LILRA2: variants seen among roughly 807,000 people sequenced by gnomAD.
LILRA2 encodes the protein leukocyte immunoglobulin-like receptor subfamily A member 2.
Under a neutral mutation model 47.9 loss-of-function variants are expected in LILRA2, and 45 were observed. That is an observed-to-expected ratio of 0.94 (90% CI 0.74 to 1.20). The LOEUF is 1.20. LILRA2 is among the 50% of genes most tolerant of loss of function. The pLI is 0.00. For synonymous variants in LILRA2, 279 were observed against 249.2 expected (o/e 1.12, Z -1.13); for missense variants, 651 against 598.2 (o/e 1.09, Z -0.92).
At position 54,574,560 on chromosome 19, in the gene LILRA2, C is replaced by A. The variant is rs2062302574; in HGVS notation, c.330C>A (p.Asp110Glu). 10 of 1,613,838 alleles carry A rather than the reference C, an allele frequency of 6.2e-6. No homozygotes were observed. The highest frequency in any genetic ancestry group is 6.8e-6 in the Non-Finnish European group (8 of 1,179,846). ...ACAATCACTCATCAGAGTACAGTGA[C>A]CCCCTGGAGCTGGTGGTGACAGGTG... ...YSHNHSSEYS[D>E]PLELVVTGAY... Residue 110 changes from aspartate (D) to glutamate (E), a missense_variant, in exon 3 of 8, where the codon GAC becomes GAA. Physicochemically the swap from Asp to Glu is conservative, Grantham distance 45 (BLOSUM62 2). Transcript: ENST00000391738.
chr19:54,585,625 TG>T (rs1369535298), intron 6 of LILRA2, among the ~76,000 whole-genome samples: 1 of 152,230 alleles, frequency 6.6e-6, no homozygotes, highest in African/African-American at 2.4e-5. Flanking sequence ...TCTCCTGGTC[TG>T]CCAGTTGCTA....
At chr19:54,581,454 T>C (rs1414719148) in intron 6 of LILRA2, among the ~76,000 whole-genome samples, 7 of 116,060 alleles carry the variant, frequency 6.0e-5, no homozygotes, top group Admixed American at 3.8e-4. Flanking sequence ...ATTTATTAAA[T>C]AGGGAATCCT....
At chr19:54,573,775 CAAG>C (rs879638204), upstream of LILRA2, 66 of 876,444 alleles carry the variant, frequency 7.5e-5, no homozygotes, top group Non-Finnish European at 1.1e-4. Context: ...AACCCCATGA[CAAG>C]AAGGATCCAG....
At chr19:54,584,402 G>A (rs573612132) in intron 6 of LILRA2, among the ~76,000 whole-genome samples, 286 of 152,158 alleles carry the variant, frequency 1.9e-3, no homozygotes, top group African/African-American at 6.5e-3. Context: ...GTCACTTTCC[G>A]GTACACTAGT....
intron 6 of LILRA2, among the ~76,000 whole-genome samples, chr19:54,585,539 C>T (rs926994300): frequency 2.6e-5 from 4 of 152,166 alleles, no homozygotes; most frequent in African/African-American, 9.7e-5. Context: ...CATCGCAGGT[C>T]GATCTCAGAC....
intron 7 of LILRA2, 69 bp downstream of exon 7, chr19:54,587,129 T>C (rs752244073): frequency 6.2e-7 from 1 of 1,610,348 alleles, no homozygotes; most frequent in Non-Finnish European, 8.5e-7. Flanking sequence ...GGGAGGTGGG[T>C]GCCCTGGGTG....
chr19:54,574,735 C>A lies in LILRA2; in HGVS notation c.357C>A (p.Ala119=). The A allele has an allele frequency of 3.7e-6, 6 of 1,614,092 alleles. No homozygotes were observed. Among genetic ancestry groups the A allele is most frequent in the Non-Finnish European group, 5.1e-6 (6 of 1,179,928 alleles). ...SDPLELVVTG[A]YSKPTLSALP... The stretch of plus-strand genomic sequence containing the variant: ...CAGTGCCTCCTTCTCTCCTAGGAGC[C>A]TACAGCAAACCCACCCTCTCAGCTC... The change falls in exon 4 of 8, where the codon GCC becomes GCA. Residue 119 remains alanine (A), a synonymous_variant. Coordinates refer to ENST00000391738, the MANE Select transcript of LILRA2 (RefSeq NM_001130917.3).
intron 6 of LILRA2, chr19:54,577,339 T>A: frequency 3.0e-6 from 2 of 659,014 alleles, no homozygotes; most frequent in Non-Finnish European, 4.3e-6. Context: ...TGGGGAGGAT[T>A]TGGGGTCCAG....
Position 54,574,927 on chromosome 19 carries a change from C to T in LILRA2, c.549C>T (p.Gly183=), listed in dbSNP as rs759921880. 4 of 1,614,266 alleles carry T rather than the reference C, an allele frequency of 2.5e-6. No individual in the cohort carries two copies. The Admixed American group carries it at 5.0e-5, about 20-fold the overall frequency. ...RGWSWAIFSV[G]PVSPSRRWSY... ...GGTCCTGGGCCATCTTCTCCGTGGG[C>T]CCCGTGAGCCCGAGTCGCAGGTGGT... The change falls in exon 4 of 8, where the codon GGC becomes GGT. Residue 183 remains glycine (G), a synonymous_variant. Transcript: ENST00000391738.
rs182453182 is a variant in LILRA2 at position 54,577,178 on chromosome 19, G to A, written c.1255+1069G>A. Among the ~76,000 whole-genome samples the A allele has an allele frequency of 4.3e-3, 352 of 81,486 alleles. No individual in the cohort carries two copies. The South Asian group carries it at 0.064, about 15-fold the overall frequency. 53.5% of individuals were successfully genotyped at this position (81,486 alleles called of 152,430 possible). The stretch of plus-strand genomic sequence containing the variant: ...AAAAAACAAAAGTTTACAAAACCCC[G>A]CTGGTTGAGAGTCTCCCCTCTCTCG... On this transcript the variant is annotated intron_variant, in intron 6 of 7. Transcript: ENST00000391738.
At chr19:54,576,323 A>ATGT (rs1187653818) in intron 6 of LILRA2, among the ~76,000 whole-genome samples, 242 of 128,554 alleles carry the variant, frequency 1.9e-3, no homozygotes, top group African/African-American at 6.8e-3. Flanking sequence ...CTGGGAGGAG[A>ATGT]CGGGGGCGGG....
In LILRA2 at chr19:54,574,143, C is replaced by T. The variant is rs778823778; in HGVS notation, c.70+32C>T. 9.9e-6 allele frequency: 16 copies of T among 1,614,168 alleles called. No homozygotes were observed. In the East Asian group the frequency reaches 3.3e-4, roughly 34 times the overall value. ...CTGTTCCCAGCTGTCCCAGGTCCCT[C>T]CTCCTCACTAGGGACAAGGGGCCAC... On this transcript the variant is annotated intron_variant, in intron 2 of 7. Coordinates refer to ENST00000391738, the MANE Select transcript of LILRA2 (RefSeq NM_001130917.3).
At chr19:54,574,234 T>C (rs2062273099) in intron 2 of LILRA2, 67 bp from the exon 3 acceptor site, 3 of 1,613,820 alleles carry the variant, frequency 1.9e-6, no homozygotes, top group Non-Finnish European at 2.5e-6. Flanking sequence ...TGGAGGGTCC[T>C]GCAGCTGAGA....
rs1049444447 is a variant in LILRA2 at position 54,587,924 on chromosome 19, C to A, written c.*578C>A. On this transcript the variant is annotated 3_prime_UTR_variant, in exon 8 of 8. Transcript: ENST00000391738. Reference sequence around the variant, plus strand: ...CTGAAATATCACCACTTGGAATCATCACACTGGCATTTCAAGTGACACCAC... The same window carrying A: ...CTGAAATATCACCACTTGGAATCATAACACTGGCATTTCAAGTGACACCAC... 1.3e-5 allele frequency: 2 copies of A among 153,652 alleles called. No homozygotes were observed. The highest frequency in any genetic ancestry group is 2.4e-5 in the African/African-American group (1 of 41,434). The allele number at this position is 153,652 out of a possible 1,614,324, so 9.5% of individuals were successfully genotyped here.
upstream of LILRA2, chr19:54,573,378 C>A: frequency 1.2e-6 from 1 of 807,434 alleles, no homozygotes; most frequent in Non-Finnish European, 2.1e-6. Flanking sequence ...AGTCTAACTG[C>A]AGCATGGACC....
chr19:54,578,392 C>T lies in LILRA2; in HGVS notation c.1255+2283C>T, dbSNP rs539270574. Among the ~76,000 whole-genome samples the T allele has an allele frequency of 3.3e-5, 5 of 151,796 alleles. No homozygotes were observed. In the East Asian group the frequency reaches 9.7e-4, roughly 29 times the overall value. On this transcript the variant is annotated intron_variant, in intron 6 of 7. Coordinates refer to ENST00000391738, the MANE Select transcript of LILRA2 (RefSeq NM_001130917.3). ...AACATGCGGTGTTTGGTTTTCTGTT[C>T]TTGTGACAGTTTGCTGAGTGATGGT...
At position 54,574,419 on chromosome 19, in the gene LILRA2, A is replaced by G; in HGVS notation, c.189A>G (p.Glu63=). 6.2e-7 allele frequency: 1 copy of G among 1,614,134 alleles called. No individual in the cohort carries two copies. The highest frequency in any genetic ancestry group is 1.3e-5 in the African/African-American group (1 of 75,018). Residue 63 remains glutamate, a synonymous_variant, in exon 3 of 8, where the codon GAA becomes GAG. Transcript: ENST00000391738. ...LQAEEYHLYR[E]NKSASWVRRI... Reference sequence around the variant, plus strand: ...CTGAGGAGTACCATCTATATAGGGAAAACAAATCAGCATCCTGGGTTAGAC... The same window carrying G: ...CTGAGGAGTACCATCTATATAGGGAGAACAAATCAGCATCCTGGGTTAGAC...
chr19:54,576,198 G>T, intron 6 of LILRA2, 89 bp downstream of exon 6: 2 of 1,583,794 alleles, frequency 1.3e-6, no homozygotes, highest in Non-Finnish European at 8.6e-7. Flanking sequence ...ATGAATGAGG[G>T]GAGTGAAGCG....
Position 54,574,954 on chromosome 19 carries a change from G to A in LILRA2, c.576G>A (p.Ser192=), listed in dbSNP as rs763571960. 1.4e-5 allele frequency: 22 copies of A among 1,614,140 alleles called. No homozygotes were observed. Among genetic ancestry groups the A allele is most frequent in the Admixed American group, 1.2e-4 (7 of 60,016 alleles). The part of the protein sequence containing the change: ...VGPVSPSRRW[S]YRCYAYDSNS... ...CCGTGAGCCCGAGTCGCAGGTGGTC[G>A]TACAGGTGCTATGCTTATGACTCGA... The change falls in exon 4 of 8, where the codon TCG becomes TCA. Residue 192 remains serine, a synonymous_variant. Coordinates refer to ENST00000391738, the MANE Select transcript of LILRA2 (RefSeq NM_001130917.3).
Sources: allele counts gnomAD v4.1 joint callset (sites outside exome capture counted in the v4.1 genomes callset), GRCh38; gene constraint gnomAD v4.1.1; transcripts MANE v1.5; gene names NCBI Gene and HGNC (gene_info 2026-07-23, HGNC 2026-07-21).